ASB15: variants seen among roughly 807,000 people sequenced by gnomAD.
The protein encoded by ASB15 is ankyrin repeat and SOCS box protein 15.
In ASB15, 54 loss-of-function variants were observed where a neutral mutation model predicts 58.0. The ratio of observed to expected loss-of-function variants is 0.93; its 90% CI spans 0.75 to 1.17. ASB15 has a LOEUF of 1.17. Ranked by LOEUF, ASB15 falls within the 50% of genes most tolerant of loss-of-function variation. The pLI is 0.00. For missense variants in ASB15, 680 were observed against 707.4 expected, an observed-to-expected ratio of 0.96 and a Z score of 0.44; for synonymous variants, 249 against 262.4, an observed-to-expected ratio of 0.95 and a Z score of 0.50.
chr7:123,599,916 A>G (rs909806642), upstream of ASB15, among the ~76,000 whole-genome samples: 6 of 152,196 alleles, frequency 3.9e-5, no homozygotes, highest in Non-Finnish European at 8.8e-5. Flanking sequence ...GCACTGTTTG[A>G]AAAGCTAGGA....
chr7:123,596,599 G>C (rs1860707), intron 1 of ASB15, among the ~76,000 whole-genome samples: 32,479 of 151,924 alleles, frequency 0.21, 3,677 homozygotes, highest in East Asian at 0.4. Flanking sequence ...GTGACAGAGG[G>C]AGACCCTGTC....
chr7:123,576,252 T>C (rs749906892), intron 1 of ASB15, among the ~76,000 whole-genome samples: 3 of 151,934 alleles, frequency 2.0e-5, no homozygotes, highest in Non-Finnish European at 4.4e-5. Context: ...GCAGCTTTAA[T>C]TTGATCTTCC....
Position 123,629,275 on chromosome 7 carries a change from C to A in ASB15, c.1281C>A (p.Asn427Lys), listed in dbSNP as rs769692009. 2 of 1,613,952 alleles carry A rather than the reference C, an allele frequency of 1.2e-6. No homozygotes were observed. Among genetic ancestry groups the A allele is most frequent in the Non-Finnish European group, 1.7e-6 (2 of 1,179,986 alleles). ...RFPSVIQYAL[N>K]DEVMLRLLLN... ...CCAGTGTCATTCAATATGCTCTAAA[C>A]GACGAGGTAATGCTGAGGCTATTGC... Residue 427 changes from asparagine to lysine, a missense_variant, in exon 10 of 12, where the codon AAC becomes AAA. Coordinates refer to ENST00000451215, the MANE Select transcript of ASB15 (RefSeq NM_001290258.2).
intron 1 of ASB15, among the ~76,000 whole-genome samples, chr7:123,584,687 G>T (rs1397570089): frequency 6.6e-6 from 1 of 151,848 alleles, no homozygotes; most frequent in Non-Finnish European, 1.5e-5. Flanking sequence ...AATATACAAA[G>T]ACTGTTAGCT....
At chr7:123,601,074 T>C (rs560892685), upstream of ASB15, among the ~76,000 whole-genome samples, 2 of 152,230 alleles carry the variant, frequency 1.3e-5, no homozygotes, top group Admixed American at 6.5e-5. Context: ...GTGTAGGGGA[T>C]AGAGGCCAGA....
In ASB15 at chr7:123,580,580, T is replaced by C. The variant is rs73718427; in HGVS notation, c.-443+13492T>C. 8.5e-3 allele frequency among the ~76,000 whole-genome samples: 1,298 copies of C among 152,142 alleles called. 21 individuals carry two copies. The highest frequency in any genetic ancestry group is 0.03 in the African/African-American group (1,240 of 41,542). The stretch of plus-strand genomic sequence containing the variant: ...ATGAGGTTAAATGAGATAATGCATA[T>C]GAAAACCCAGAACTGCATCATATGG... On this transcript the variant is annotated intron_variant, in intron 1 of 13. Transcript: ENST00000451558.
upstream of ASB15, among the ~76,000 whole-genome samples, chr7:123,597,089 T>A (rs562761558): frequency 2.0e-5 from 3 of 152,308 alleles, no homozygotes; most frequent in East Asian, 3.9e-4. Context: ...GTTACCCTAG[T>A]CAAAAAATAT....
chr7:123,626,996 G>A, intron 8 of ASB15, 114 bp from the exon 9 acceptor site: 3 of 1,113,718 alleles, frequency 2.7e-6, no homozygotes, highest in South Asian at 3.0e-5. Context: ...TCAGCCTCCA[G>A]TGCTGGGATT....
At chr7:123,616,526 C>T (rs780065417) in intron 6 of ASB15, 31 bp downstream of exon 6, 156 of 1,594,762 alleles carry the variant, frequency 9.8e-5, no homozygotes, top group Non-Finnish European at 1.2e-4. Context: ...TTTGACCAAG[C>T]CAGAGCAAGA....
At chr7:123,572,507 T>C (rs805776) in intron 1 of ASB15, among the ~76,000 whole-genome samples, 110,830 of 151,644 alleles carry the variant, frequency 0.73, 40,695 homozygotes, top group African/African-American at 0.81. Context: ...TTTATATATT[T>C]TATGTTCTTT....
intron 1 of ASB15, among the ~76,000 whole-genome samples, chr7:123,578,243 G>T (rs1312597890): frequency 6.7e-6 from 1 of 149,222 alleles, no homozygotes; most frequent in Non-Finnish European, 1.5e-5. Flanking sequence ...CTGATATTTT[G>T]TATCAGTTGG....
At chr7:123,612,015 G>C (rs1330163910) in intron 3 of ASB15, among the ~76,000 whole-genome samples, 1 of 152,130 alleles carries the variant, frequency 6.6e-6, no homozygotes, top group Non-Finnish European at 1.5e-5. Flanking sequence ...GACCAGCTCA[G>C]TTCTTTATGG....
At chr7:123,620,746 TAG>T (rs1801265821) in intron 7 of ASB15, among the ~76,000 whole-genome samples, 1 of 149,834 alleles carries the variant, frequency 6.7e-6, no homozygotes, top group Non-Finnish European at 1.5e-5. Context: ...GTATTTTTAT[TAG>T]AGACAGGGTT....
intron 7 of ASB15, among the ~76,000 whole-genome samples, chr7:123,622,441 G>A (rs144473723): frequency 6.6e-6 from 1 of 152,182 alleles, no homozygotes; most frequent in African/African-American, 2.4e-5. Flanking sequence ...GCTTGGAAGG[G>A]ATTTCCTACC....
At chr7:123,613,382 T>C (rs1800584064) in intron 3 of ASB15, among the ~76,000 whole-genome samples, 1 of 152,202 alleles carries the variant, frequency 6.6e-6, no homozygotes, top group Admixed American at 6.5e-5. Flanking sequence ...CAATCAAAGA[T>C]AATTTCATAT....
At chr7:123,573,338 G>A (rs1446260345) in intron 1 of ASB15, among the ~76,000 whole-genome samples, 19 of 120,186 alleles carry the variant, frequency 1.6e-4, no homozygotes, top group Non-Finnish European at 2.6e-4. Context: ...TAGTTTAAAT[G>A]CTCATCGTAA....
chr7:123,628,787 T>G (rs1801958360), intron 9 of ASB15, 77 bp from the exon 10 acceptor site: 3 of 988,492 alleles, frequency 3.0e-6, no homozygotes, highest in Non-Finnish European at 4.4e-6. Context: ...TGCATTCACT[T>G]ATCTAGTGAG....
upstream of ASB15, among the ~76,000 whole-genome samples, chr7:123,600,410 T>C (rs1277332426): frequency 6.6e-6 from 1 of 152,224 alleles, no homozygotes; most frequent in Non-Finnish European, 1.5e-5. Context: ...GTCACTGCAA[T>C]GTGTCAAGCC....
At chr7:123,603,781 C>G (rs1181057807) in intron 1 of ASB15, among the ~76,000 whole-genome samples, 1 of 152,132 alleles carries the variant, frequency 6.6e-6, no homozygotes, top group Non-Finnish European at 1.5e-5. Flanking sequence ...GTCCTGCATA[C>G]AATTGCACAG....
Sources: gnomAD v4.1 joint callset for allele counts (sites outside exome capture counted in the v4.1 genomes callset) on GRCh38, gnomAD v4.1.1 for gene constraint, MANE v1.5 for transcripts, NCBI Gene and HGNC (gene_info 2026-07-23, HGNC 2026-07-21) for gene names.